RBKS: variants seen among roughly 807,000 people sequenced by gnomAD.
RBKS encodes ribokinase.
In RBKS, 33 loss-of-function variants were observed where a neutral mutation model predicts 33.9. That is an observed-to-expected ratio of 0.97 (90% CI 0.74 to 1.30). The LOEUF is 1.30. Ranked by LOEUF, RBKS falls within the 50% of genes most tolerant of loss-of-function variation. The pLI is 0.00. For synonymous variants in RBKS, 125 were observed against 143.0 expected, an observed-to-expected ratio of 0.87 and a Z score of 0.90; for missense variants, 361 against 392.6, an observed-to-expected ratio of 0.92 and a Z score of 0.68.
At chr2:27,797,983 G>A (rs1038721189) in intron 7 of RBKS, among the ~76,000 whole-genome samples, 5 of 152,142 alleles carry the variant, frequency 3.3e-5, no homozygotes, top group African/African-American at 9.7e-5. Flanking sequence ...CAATGTCCTG[G>A]AGGTTGTCAT....
In RBKS at chr2:27,821,345, A is replaced by AT. The variant is rs1219764952; in HGVS notation, c.795+6221dup. ...TTATATTATTCTAGGGAAATACTTG[A>AT]TTTTTTTAGTTGTAATTACACTATT... On this transcript the variant is annotated intron_variant, in intron 7 of 7. Transcript: ENST00000302188. Among the ~76,000 whole-genome samples the AT allele has an allele frequency of 2.6e-5, 4 of 151,750 alleles. No individual in the cohort carries two copies. In the East Asian group the frequency reaches 5.8e-4, roughly 22 times the overall value.
intron 1 of RBKS, among the ~76,000 whole-genome samples, chr2:27,881,673 C>T (rs1397088428): frequency 6.6e-6 from 1 of 152,158 alleles, no homozygotes; most frequent in African/African-American, 2.4e-5. Flanking sequence ...AACTATACTT[C>T]AGGGCTACAG....
At chr2:27,888,281 C>T (rs1664588852) in intron 1 of RBKS, among the ~76,000 whole-genome samples, 1 of 152,092 alleles carries the variant, frequency 6.6e-6, no homozygotes, top group South Asian at 2.1e-4. Context: ...GCGCCAGCTA[C>T]CATGCCCAGC....
intron 1 of RBKS, among the ~76,000 whole-genome samples, chr2:27,859,896 G>A (rs1406496179): frequency 6.6e-6 from 1 of 152,110 alleles, no homozygotes; most frequent in Admixed American, 6.5e-5. Context: ...AGTTTGCAAC[G>A]GGATGACATA....
intron 6 of RBKS, among the ~76,000 whole-genome samples, chr2:27,831,698 T>C (rs942420658): frequency 3.9e-5 from 6 of 152,144 alleles, no homozygotes; most frequent in Admixed American, 2.0e-4. Flanking sequence ...CCCAGTACTT[T>C]GGGAGGCTTG....
intron 5 of RBKS, among the ~76,000 whole-genome samples, chr2:27,836,042 C>T (rs577437914): frequency 5.9e-5 from 9 of 152,044 alleles, no homozygotes; most frequent in Non-Finnish European, 1.0e-4. Flanking sequence ...GCTGAAACCC[C>T]GTCTCTACTA....
At position 27,861,664 on chromosome 2, in the gene RBKS, G is replaced by GGGC. The variant is rs1553380050; in HGVS notation, c.90-3094_90-3093insGCC. 1.4e-5 allele frequency: 3 copies of GGGC among 215,472 alleles called. No individual in the cohort carries two copies. In the Admixed American group the frequency reaches 1.5e-4, roughly 11 times the overall value. 13.3% of individuals were successfully genotyped at this position (215,472 alleles called of 1,614,324 possible). A position where few individuals can be genotyped will look rare whatever the true frequency, so the allele number is the denominator to read the frequency against. ...AGATTAGTATGTTCCATTTCTTTTT[G>GGGC]GGGGGGGGGTGGAGTCTCACTTTGT... is the stretch of plus-strand genomic sequence containing the variant. On this transcript the variant is annotated intron_variant, in intron 1 of 7. Transcript: ENST00000302188.
intron 7 of RBKS, among the ~76,000 whole-genome samples, chr2:27,789,915 GTT>G (rs138999834): frequency 0.063 from 7,605 of 120,688 alleles, 625 homozygotes; most frequent in African/African-American, 0.21. Context: ...GTGTGTGTGT[GTT>G]TGTGTGTGTA....
At chr2:27,809,899 G>A in intron 7 of RBKS, 1 of 1,297,200 alleles carries the variant, frequency 7.7e-7, no homozygotes, top group Non-Finnish European at 1.0e-6. Context: ...ATTGCACAAT[G>A]TTGTATTTAT....
intron 1 of RBKS, among the ~76,000 whole-genome samples, chr2:27,874,288 C>T (rs1237275473): frequency 6.6e-6 from 1 of 152,178 alleles, no homozygotes; most frequent in East Asian, 1.9e-4. Flanking sequence ...CCATTCTCCG[C>T]ATATATTTGT....
At chr2:27,789,549 C>G (rs1451506758) in intron 7 of RBKS, among the ~76,000 whole-genome samples, 1 of 151,682 alleles carries the variant, frequency 6.6e-6, no homozygotes, top group East Asian at 1.9e-4. Flanking sequence ...TAGATGTGTG[C>G]CACCACACCT....
chr2:27,844,427 C>G (rs367593242), intron 4 of RBKS, among the ~76,000 whole-genome samples: 18 of 152,238 alleles, frequency 1.2e-4, no homozygotes, highest in African/African-American at 4.1e-4. Context: ...GGGTCTCACT[C>G]TGTTGCCCAG....
chr2:27,826,507 C>G (rs970180688), intron 7 of RBKS, among the ~76,000 whole-genome samples: 3 of 151,448 alleles, frequency 2.0e-5, no homozygotes, highest in Admixed American at 2.0e-4. Flanking sequence ...CTCCCAGGTT[C>G]AAGTGATTTT....
intron 7 of RBKS, among the ~76,000 whole-genome samples, chr2:27,799,105 C>A (rs1400538406): frequency 6.6e-6 from 1 of 152,168 alleles, no homozygotes; most frequent in Non-Finnish European, 1.5e-5. Context: ...GAGGAGCACA[C>A]ACTGTCCCAG....
At chr2:27,791,467 C>T (rs955323556) in intron 7 of RBKS, among the ~76,000 whole-genome samples, 7 of 152,010 alleles carry the variant, frequency 4.6e-5, no homozygotes, top group African/African-American at 1.7e-4. Flanking sequence ...CATCTATGTT[C>T]TCCCCTCTCC....
chr2:27,850,702 G>C (rs1313821583), intron 2 of RBKS, among the ~76,000 whole-genome samples: 2 of 152,126 alleles, frequency 1.3e-5, no homozygotes, highest in Non-Finnish European at 2.9e-5. Context: ...CGATGTACCA[G>C]AGTTTATTTA....
intron 7 of RBKS, among the ~76,000 whole-genome samples, chr2:27,797,221 G>A (rs1426106369): frequency 1.3e-5 from 2 of 152,212 alleles, no homozygotes; most frequent in Non-Finnish European, 2.9e-5. Flanking sequence ...TGGGGCTGCG[G>A]TGTGCGATTA....
chr2:27,832,972 A>G (rs192950599), intron 5 of RBKS, among the ~76,000 whole-genome samples, 195 bp from the exon 6 acceptor site: 31 of 152,228 alleles, frequency 2.0e-4, no homozygotes, highest in African/African-American at 6.5e-4. Context: ...CCCTATTTCC[A>G]TTTTCTTTAC....
At chr2:27,862,805 A>AAGAGTGG (rs1262216821) in intron 1 of RBKS, among the ~76,000 whole-genome samples, 2 of 152,180 alleles carry the variant, frequency 1.3e-5, no homozygotes, top group Admixed American at 6.5e-5. Context: ...AAATAAACTG[A>AAGAGTGG]AGAGTGGAGA....
Sources: gnomAD v4.1 joint callset for allele counts (sites outside exome capture counted in the v4.1 genomes callset) on GRCh38, gnomAD v4.1.1 for gene constraint, MANE v1.5 for transcripts, NCBI Gene and HGNC (gene_info 2026-07-23, HGNC 2026-07-21) for gene names.